SERPINB7: variants seen among roughly 807,000 people sequenced by gnomAD.
The protein encoded by SERPINB7 is serpin B7.
A neutral mutation model predicts 37.4 loss-of-function variants in SERPINB7; 31 were observed. That is an observed-to-expected ratio of 0.83 (90% confidence interval 0.62 to 1.12). The LOEUF (loss-of-function observed/expected upper bound fraction) is 1.12, where lower values mean the gene tolerates loss of function less well. Ranked by LOEUF, SERPINB7 falls within the 50% of genes most tolerant of loss-of-function variation. The pLI, the probability that SERPINB7 is intolerant of heterozygous loss-of-function variation, is 0.00. For missense variants in SERPINB7, 521 were observed against 455.3 expected (o/e 1.14, Z -1.31); for synonymous variants, 163 against 166.1 (o/e 0.98, Z 0.14).
At chr18:63,799,363 T>C (rs772556842) in intron 6 of SERPINB7, among the ~76,000 whole-genome samples, 20 of 152,366 alleles carry the variant, frequency 1.3e-4, no homozygotes, top group South Asian at 2.1e-4. Context: ...GAATGTTGTA[T>C]TGGGGCCCCT....
At position 63,796,396 on chromosome 18, in the gene SERPINB7, A is replaced by C; in HGVS notation, c.454+13A>C. Reference sequence around the variant, plus strand: ...AATGAAACACATGGTGAGTATTGAAATACCCTATTTTTCTACAAGATTTGT... The same window carrying C: ...AATGAAACACATGGTGAGTATTGAACTACCCTATTTTTCTACAAGATTTGT... On this transcript the variant is annotated intron_variant, in intron 5 of 7. Transcript: ENST00000398019. 1 of 1,387,096 alleles carries C rather than the reference A, an allele frequency of 7.2e-7. No homozygotes were observed. Among genetic ancestry groups the C allele is most frequent in the Non-Finnish European group, 1.0e-6 (1 of 975,294 alleles). 85.9% of individuals were successfully genotyped at this position (1,387,096 alleles called of 1,614,324 possible).
intron 4 of SERPINB7, among the ~76,000 whole-genome samples, chr18:63,794,110 ATTT>A (rs34450022): frequency 5.4e-4 from 57 of 105,544 alleles, no homozygotes; most frequent in Middle Eastern, 8.8e-3. Flanking sequence ...CATCCTGCTA[ATTT>A]TTTTTTTTTT....
intron 1 of SERPINB7, among the ~76,000 whole-genome samples, chr18:63,767,359 G>A (rs1466851084): frequency 6.6e-6 from 1 of 151,942 alleles, no homozygotes; most frequent in African/African-American, 2.4e-5. Flanking sequence ...ATAATAGAGG[G>A]GAAAAAAGTT....
chr18:63,760,580 C>A (rs1043183012), intron 1 of SERPINB7, among the ~76,000 whole-genome samples: 2 of 152,184 alleles, frequency 1.3e-5, no homozygotes, highest in African/African-American at 2.4e-5. Context: ...TTCATGGTGG[C>A]CCCTCCCATT....
intron 1 of SERPINB7, among the ~76,000 whole-genome samples, chr18:63,757,202 C>T (rs2049127405): frequency 6.6e-6 from 1 of 152,156 alleles, no homozygotes; most frequent in East Asian, 1.9e-4. Flanking sequence ...ATTCAATCAG[C>T]CACAAAATGA....
At chr18:63,799,531 G>A (rs1249771176) in intron 6 of SERPINB7, among the ~76,000 whole-genome samples, 2 of 152,204 alleles carry the variant, frequency 1.3e-5, no homozygotes, top group Non-Finnish European at 2.9e-5. Context: ...CAGACAGCTT[G>A]TAATGTAATA....
intron 5 of SERPINB7, among the ~76,000 whole-genome samples, chr18:63,796,983 A>G (rs2049495290): frequency 1.3e-5 from 2 of 152,208 alleles, no homozygotes; most frequent in Non-Finnish European, 2.9e-5. Flanking sequence ...TTTATTTACC[A>G]AAATAATTTA....
At chr18:63,756,780 T>TGGAAC (rs2049124207) in intron 1 of SERPINB7, among the ~76,000 whole-genome samples, 5 of 150,060 alleles carry the variant, frequency 3.3e-5, no homozygotes, top group African/African-American at 1.2e-4. Context: ...GTTTTGCCAG[T>TGGAAC]TGTTTCCAGG....
rs187805880 is a variant in SERPINB7 at position 63,790,013 on chromosome 18, T to A, written c.169-2380T>A. 1.4e-4 allele frequency among the ~76,000 whole-genome samples: 21 copies of A among 152,342 alleles called. No individual in the cohort carries two copies. The East Asian group carries it at 4.1e-3, about 29-fold the overall frequency. On this transcript the variant is annotated intron_variant, in intron 2 of 7. Coordinates refer to ENST00000398019, the MANE Select transcript of SERPINB7 (RefSeq NM_003784.4). ...AGTTCAAAATTTTGGATTTTGAATT[T>A]TTCCATAGGTGAAAACATGCCATGC...
chr18:63,792,554 G>A lies in SERPINB7; in HGVS notation c.219+111G>A, dbSNP rs2049440742. ...GAGGCGGGTGGATGACTGGAGCCCAGGAGTTCAAGACCAGCCTGGGCAACA... is the reference window on the plus strand; with the variant it reads ...GAGGCGGGTGGATGACTGGAGCCCAAGAGTTCAAGACCAGCCTGGGCAACA... On this transcript the variant is annotated intron_variant, in intron 3 of 7. Coordinates refer to ENST00000398019, the MANE Select transcript of SERPINB7 (RefSeq NM_003784.4). The A allele has an allele frequency of 7.2e-6, 5 of 690,732 alleles. No homozygotes were observed. In the South Asian group the frequency reaches 9.0e-5, roughly 12 times the overall value. 42.8% of individuals were successfully genotyped at this position (690,732 alleles called of 1,614,324 possible).
Position 63,783,213 on chromosome 18 carries a change from AGAGAGAGAGAG to A in SERPINB7, c.168+674_168+684del, listed in dbSNP as rs1568207664. Reference sequence around the variant, plus strand: ...GAGAGAGAGAGAGAGAGAGAGAGAGAGAGAGAGAGAGAGAGAGAGAGAAAGAAAGAAAGAAA... The same window carrying A: ...GAGAGAGAGAGAGAGAGAGAGAGAGAAGAGAGAGAGAAAGAAAGAAAGAAA... On this transcript the variant is annotated intron_variant, in intron 2 of 7. Transcript: ENST00000398019. 5.0e-3 allele frequency among the ~76,000 whole-genome samples: 387 copies of A among 77,882 alleles called. 1 individual carries two copies. The highest frequency in any genetic ancestry group is 0.044 in the East Asian group (122 of 2,768). The allele number at this position is 77,882 out of a possible 152,430, so 51.1% of individuals were successfully genotyped here.
At chr18:63,786,146 C>CATATAT (rs776033064) in intron 2 of SERPINB7, among the ~76,000 whole-genome samples, 16,592 of 90,208 alleles carry the variant, frequency 0.18, 2,446 homozygotes, top group Middle Eastern at 0.36. Context: ...CATATATACA[C>CATATAT]ACACACACAC....
chr18:63,771,255 C>T (rs911076023), upstream of SERPINB7, among the ~76,000 whole-genome samples: 21 of 151,960 alleles, frequency 1.4e-4, no homozygotes, highest in Non-Finnish European at 1.5e-4. Flanking sequence ...GAAGTACTTT[C>T]GATGTTGGCA....
upstream of SERPINB7, among the ~76,000 whole-genome samples, chr18:63,775,088 T>A (rs2049235460): frequency 6.6e-6 from 1 of 152,180 alleles, no homozygotes; most frequent in Admixed American, 6.5e-5. Flanking sequence ...CTGTTGTCAC[T>A]GCTATCTTGC....
chr18:63,788,509 A>G (rs1392935334), intron 2 of SERPINB7, among the ~76,000 whole-genome samples: 2 of 152,238 alleles, frequency 1.3e-5, no homozygotes, highest in Non-Finnish European at 1.5e-5. Context: ...ATAAAGTAAA[A>G]AAGTTAAAGT....
intron 5 of SERPINB7, 78 bp from the exon 6 acceptor site, chr18:63,798,526 A>G: frequency 8.5e-7 from 1 of 1,169,798 alleles, no homozygotes; most frequent in Non-Finnish European, 1.2e-6. Context: ...AAAACTTCAT[A>G]CCAATTAATG....
At chr18:63,756,092 TACACACACACAC>T (rs5825530) in intron 1 of SERPINB7, among the ~76,000 whole-genome samples, 1 of 148,800 alleles carries the variant, frequency 6.7e-6, no homozygotes, top group Non-Finnish European at 1.5e-5. Flanking sequence ...ATATAGGGTT[TACACACACACAC>T]ACACACACAC....
At chr18:63,772,056 A>G (rs1304411422), upstream of SERPINB7, among the ~76,000 whole-genome samples, 1 of 151,940 alleles carries the variant, frequency 6.6e-6, no homozygotes, top group Non-Finnish European at 1.5e-5. Context: ...TATAGAGATT[A>G]TTTCCTCTCT....
upstream of SERPINB7, among the ~76,000 whole-genome samples, chr18:63,774,112 C>A (rs2049228285): frequency 6.6e-6 from 1 of 151,898 alleles, no homozygotes; most frequent in Non-Finnish European, 1.5e-5. Flanking sequence ...TTAACAACAA[C>A]CTTCTCCTTC....
Sources: allele counts gnomAD v4.1 joint callset (sites outside exome capture counted in the v4.1 genomes callset), GRCh38; gene constraint gnomAD v4.1.1; transcripts MANE v1.5; gene names NCBI Gene and HGNC (gene_info 2026-07-23, HGNC 2026-07-21).